PLEKHM2: variants seen among roughly 807,000 people sequenced by gnomAD.
PLEKHM2 encodes pleckstrin homology domain-containing family M member 2.
A neutral mutation model predicts 116.3 loss-of-function variants in PLEKHM2; 77 were observed. The observed-to-expected ratio is 0.66, with a 90% confidence interval of 0.55 to 0.80. PLEKHM2 has a LOEUF of 0.80. Ranked by LOEUF, PLEKHM2 falls within the 30% of genes least tolerant of loss-of-function variation. The pLI is 0.00. For missense variants in PLEKHM2, 1,183 were observed against 1,354.9 expected (o/e 0.87, Z 1.99); for synonymous variants, 562 against 571.0 (o/e 0.98, Z 0.22).
chr1:15,718,167 CTCCTGGGTACAGTCTGGGT>C (rs1641484143), intron 4 of PLEKHM2, among the ~76,000 whole-genome samples, 175 bp downstream of exon 4: 2 of 152,240 alleles, frequency 1.3e-5, no homozygotes, highest in African/African-American at 4.8e-5. Context: ...CCCATCTGGG[CTCCTGGGTACAGTCTGGGT>C]CTCTGCTGCT....
chr1:15,726,590 A>AT (rs2068066170), intron 8 of PLEKHM2, among the ~76,000 whole-genome samples: 1 of 152,168 alleles, frequency 6.6e-6, no homozygotes, highest in Non-Finnish European at 1.5e-5. Context: ...TTTCTGGGTG[A>AT]TTCCTCCATG....
At position 15,728,442 on chromosome 1, in the gene PLEKHM2, GC is replaced by G. The variant is rs2068095994; in HGVS notation, c.1921+87del. On this transcript the variant is annotated intron_variant, in intron 11 of 19. Coordinates refer to ENST00000375799, the MANE Select transcript of PLEKHM2 (RefSeq NM_015164.4). This position sits in a 1 kb window ranked among gnomAD's most constrained non-coding sequence, Gnocchi z 5.9. ...TCCCCAGTCCCCTTGCCCTCTGAGTGCCTCCCGGCTGCCTGGCATGCAGTGA... is the reference window on the plus strand; with the variant it reads ...TCCCCAGTCCCCTTGCCCTCTGAGTGCTCCCGGCTGCCTGGCATGCAGTGA... The G allele has an allele frequency of 7.9e-7, 1 of 1,271,166 alleles. No homozygotes were observed. The highest frequency in any genetic ancestry group is 2.0e-5 in the Admixed American group (1 of 49,032). 78.7% of individuals were successfully genotyped at this position (1,271,166 alleles called of 1,614,324 possible).
At position 15,725,507 on chromosome 1, in the gene PLEKHM2, G is replaced by C; in HGVS notation, c.903G>C (p.Leu301=). The C allele has an allele frequency of 6.3e-7, 1 of 1,576,076 alleles. No individual in the cohort carries two copies. The highest frequency in any genetic ancestry group is 8.6e-7 in the Non-Finnish European group (1 of 1,161,850). The change falls in exon 8 of 20, where the codon CTG becomes CTC. Residue 301 remains leucine (L), a synonymous_variant. Coordinates refer to ENST00000375799, the MANE Select transcript of PLEKHM2 (RefSeq NM_015164.4). The part of the protein sequence containing the change: ...TSQEKEEAQA[L]DPPDACTELE... Reference sequence around the variant, plus strand: ...AGGAGAAGGAGGAGGCCCAGGCCCTGGACCCGCCGGATGCCTGCACGGAGC... The same window carrying C: ...AGGAGAAGGAGGAGGCCCAGGCCCTCGACCCGCCGGATGCCTGCACGGAGC...
At chr1:15,718,713 C>T (rs997862617) in intron 5 of PLEKHM2, 88 bp downstream of exon 5, 2 of 777,898 alleles carry the variant, frequency 2.6e-6, no homozygotes, top group Non-Finnish European at 4.4e-6. Flanking sequence ...TTTCTCAGGT[C>T]TTGTTGAGGG....
In PLEKHM2 at chr1:15,728,317, C is replaced by T. The variant is rs750079183; in HGVS notation, c.1881C>T (p.Tyr627=). The change falls in exon 11 of 20, where the codon TAC becomes TAT. Residue 627 remains tyrosine (Y), a synonymous_variant. Transcript: ENST00000375799. The surrounding 1 kb of genome is among the most constrained non-coding windows in gnomAD (Gnocchi z 5.9). ...TGGAGGGCAACCTGCAGCTGCTGTA[C>T]GTGCTGCTCACAGACTGCTATGTCT... ...GHMEGNLQLL[Y]VLLTDCYVYL... is the part of the protein sequence containing the mutation. The T allele has an allele frequency of 2.7e-5, 44 of 1,613,110 alleles. No homozygotes were observed. Among genetic ancestry groups the T allele is most frequent in the Admixed American group, 5.0e-5 (3 of 60,008 alleles).
chr1:15,691,414 A>G (rs1462399326), intron 1 of PLEKHM2, among the ~76,000 whole-genome samples: 1 of 152,210 alleles, frequency 6.6e-6, no homozygotes, highest in African/African-American at 2.4e-5. Context: ...AAAACACACA[A>G]ATAGCTCAGA....
intron 7 of PLEKHM2, chr1:15,723,300 C>T (rs992846435): frequency 2.0e-5 from 3 of 151,968 alleles, no homozygotes; most frequent in East Asian, 1.9e-4. Context: ...GCTTTGGGAC[C>T]GAGAGACGCG....
In PLEKHM2 at chr1:15,728,265, A is replaced by T; in HGVS notation, c.1831-2A>T. 6.2e-7 allele frequency: 1 copy of T among 1,613,222 alleles called. No individual in the cohort carries two copies. The highest frequency in any genetic ancestry group is 8.5e-7 in the Non-Finnish European group (1 of 1,179,744). ...CTGACCCTTGTCTGCTTCGGCCCCC[A>T]GATGATCCGGATGAGCACCGGGCAC... is the stretch of plus-strand genomic sequence containing the variant. On this transcript the variant is annotated splice_acceptor_variant, in intron 10 of 19. Coordinates refer to ENST00000375799, the MANE Select transcript of PLEKHM2 (RefSeq NM_015164.4). LOFTEE classifies it high-confidence loss of function. The surrounding 1 kb of genome is among the most constrained non-coding windows in gnomAD (Gnocchi z 5.9).
intron 8 of PLEKHM2, chr1:15,725,840 C>A: frequency 2.2e-6 from 1 of 445,636 alleles, no homozygotes; most frequent in Non-Finnish European, 4.1e-6. Flanking sequence ...TGGCCAGCCT[C>A]TGATGAGGGA....
At chr1:15,687,150 T>TTTTG (rs1223621712) in intron 1 of PLEKHM2, among the ~76,000 whole-genome samples, 2 of 151,760 alleles carry the variant, frequency 1.3e-5, no homozygotes, top group Non-Finnish European at 1.5e-5. Context: ...GTTATGAAGA[T>TTTTG]TTTGTTTGTT....
Position 15,729,068 on chromosome 1 carries a change from C to A in PLEKHM2, c.1987-34C>A. 6.3e-7 allele frequency: 1 copy of A among 1,575,818 alleles called. No homozygotes were observed. ...CCTTCTCCGCCAGGCAGCAGCTAAG[C>A]CCCAAGTGCATGTCACGGTGTGGTT... is the stretch of plus-strand genomic sequence containing the variant. On this transcript the variant is annotated intron_variant, in intron 12 of 19. Coordinates refer to ENST00000375799, the MANE Select transcript of PLEKHM2 (RefSeq NM_015164.4). The surrounding 1 kb of genome is among the most constrained non-coding windows in gnomAD (Gnocchi z 4.7).
chr1:15,708,377 C>T (rs989647118), intron 1 of PLEKHM2, among the ~76,000 whole-genome samples: 6 of 151,728 alleles, frequency 4.0e-5, no homozygotes, highest in South Asian at 4.2e-4. Context: ...CCACCACGCC[C>T]GGCTAATTTT....
chr1:15,732,242 G>A, intron 17 of PLEKHM2, 108 bp from the exon 18 acceptor site: 2 of 1,045,528 alleles, frequency 1.9e-6, no homozygotes, highest in Non-Finnish European at 2.8e-6. Flanking sequence ...CCTGGAGGGA[G>A]ATCCCTGGAG....
At chr1:15,731,491 G>A (rs1156848747) in intron 16 of PLEKHM2, among the ~76,000 whole-genome samples, 2 of 152,190 alleles carry the variant, frequency 1.3e-5, no homozygotes, top group Non-Finnish European at 2.9e-5. Context: ...TGATGGGGGA[G>A]GCAGGCCCTT....
At chr1:15,700,137 T>G (rs1000684125) in intron 1 of PLEKHM2, among the ~76,000 whole-genome samples, 3 of 152,232 alleles carry the variant, frequency 2.0e-5, no homozygotes, top group Admixed American at 2.0e-4. Context: ...GGGACATTCC[T>G]GATGTGGTCC....
At position 15,732,696 on chromosome 1, in the gene PLEKHM2, G is replaced by T. The variant is rs1571076902; in HGVS notation, c.2890G>T (p.Ala964Ser). 2 of 1,610,020 alleles carry T rather than the reference G, an allele frequency of 1.2e-6. No individual in the cohort carries two copies. The highest frequency in any genetic ancestry group is 1.3e-5 in the African/African-American group (1 of 74,844). The change falls in exon 19 of 20, where the codon GCA (alanine) becomes TCA (serine). Residue 964 changes from alanine to serine, a missense_variant. Ala to Ser is a moderately conservative substitution (Grantham distance 99). Around this residue, in one of 3 missense-constraint regions of PLEKHM2, gnomAD observed 594 missense variants for 720.1 expected, o/e 0.82. Coordinates refer to ENST00000375799, the MANE Select transcript of PLEKHM2 (RefSeq NM_015164.4). ...CTSELDRLLS[A>S]LNSGWKTIYQ... is the part of the protein sequence containing the mutation. ...TTCTGAACTGGACCGATTGCTGTCT[G>T]CACTGAACTCTGGGTGGAAAACCAT...
chr1:15,690,161 G>C (rs1159557370), intron 1 of PLEKHM2, among the ~76,000 whole-genome samples: 3 of 151,454 alleles, frequency 2.0e-5, no homozygotes, highest in Non-Finnish European at 4.4e-5. Context: ...CCTCCTCCTG[G>C]GTTCAAGCAA....
chr1:15,690,454 G>T (rs1640867495), intron 1 of PLEKHM2, among the ~76,000 whole-genome samples: 1 of 152,210 alleles, frequency 6.6e-6, no homozygotes. Flanking sequence ...AGTCTTTGTT[G>T]AAACTGCTCA....
In PLEKHM2 at chr1:15,727,751, C is replaced by T. The variant is rs777313934; in HGVS notation, c.1679C>T (p.Pro560Leu). 8.1e-6 allele frequency: 13 copies of T among 1,603,874 alleles called. No homozygotes were observed. The highest frequency in any genetic ancestry group is 2.2e-5 in the East Asian group (1 of 44,500). ...CAGCTCAAGCGAGACCAGCCCAGCC[C>T]GTGTCTGAGTAGCGCTGAGGATTCT... ...LCQLKRDQPS[P>L]CLSSAEDSGV... The change falls in exon 9 of 20, where the codon CCG becomes CTG. Residue 560 changes from proline to leucine, a missense_variant. Pro to Leu is a moderately conservative substitution (Grantham distance 98). Coordinates refer to ENST00000375799, the MANE Select transcript of PLEKHM2 (RefSeq NM_015164.4). The surrounding 1 kb of genome is among the most constrained non-coding windows in gnomAD (Gnocchi z 7.5).
Sources: gnomAD v4.1 joint callset for allele counts (sites outside exome capture counted in the v4.1 genomes callset) on GRCh38, gnomAD v4.1.1 for gene constraint, gnomAD v4.1.1 regional missense constraint, Gnocchi (gnomAD v3.1) non-coding constraint, MANE v1.5 for transcripts, NCBI Gene and HGNC (gene_info 2026-07-23, HGNC 2026-07-21) for gene names.